Variants in ITGA8 observed in about 807,000 individuals in gnomAD.
The protein encoded by ITGA8 is integrin subunit alpha 8.
Under a neutral mutation model 142.3 loss-of-function variants are expected in ITGA8, and 91 were observed. That is an observed-to-expected ratio of 0.64 (90% CI 0.54 to 0.76). The LOEUF (loss-of-function observed/expected upper bound fraction) is 0.76. Ranked by LOEUF, ITGA8 falls within the 30% of genes least tolerant of loss-of-function variation. ITGA8 has a pLI of 0.00. For synonymous variants in ITGA8, 505 were observed against 485.2 expected, an observed-to-expected ratio of 1.04 and a Z score of -0.54; for missense variants, 1,406 against 1,327.7, an observed-to-expected ratio of 1.06 and a Z score of -0.92.
intron 13 of ITGA8, among the ~76,000 whole-genome samples, chr10:15,630,436 C>A (rs1254346485): frequency 6.6e-6 from 1 of 152,058 alleles, no homozygotes; most frequent in African/African-American, 2.4e-5. Context: ...AACGCCAAAT[C>A]CACTCCCAGT....
intron 20 of ITGA8, among the ~76,000 whole-genome samples, chr10:15,597,783 A>G (rs961281572): frequency 5.3e-5 from 8 of 152,206 alleles, no homozygotes; most frequent in Non-Finnish European, 8.8e-5. Flanking sequence ...AGATCATGCA[A>G]TCGACTTTCT....
chr10:15,711,994 T>C (rs539595459), intron 2 of ITGA8, among the ~76,000 whole-genome samples: 2 of 152,298 alleles, frequency 1.3e-5, no homozygotes, highest in South Asian at 4.1e-4. Flanking sequence ...AGCTGGTGTA[T>C]CAGATGTATT....
intron 27 of ITGA8, among the ~76,000 whole-genome samples, chr10:15,540,896 C>T (rs1031898666): frequency 2.0e-5 from 3 of 152,182 alleles, no homozygotes; most frequent in East Asian, 1.9e-4. Flanking sequence ...AAGACACTCC[C>T]GCCAGCACCA....
intron 3 of ITGA8, among the ~76,000 whole-genome samples, chr10:15,685,927 T>C (rs1397349986): frequency 6.6e-6 from 1 of 152,146 alleles, no homozygotes; most frequent in East Asian, 1.9e-4. Context: ...GAAATAACAT[T>C]TTGTTAGGAA....
At chr10:15,689,583 G>A (rs1834895432) in intron 2 of ITGA8, among the ~76,000 whole-genome samples, 1 of 152,164 alleles carries the variant, frequency 6.6e-6, no homozygotes, top group Non-Finnish European at 1.5e-5. Flanking sequence ...TCACACAGCA[G>A]CACAACTCCA....
At chr10:15,538,749 T>A (rs1425374361) in intron 27 of ITGA8, among the ~76,000 whole-genome samples, 3 of 152,064 alleles carry the variant, frequency 2.0e-5, no homozygotes, top group African/African-American at 7.2e-5. Context: ...TTAATTTAGT[T>A]TAGTGCTAAT....
At chr10:15,585,726 G>T (rs1028446701) in intron 23 of ITGA8, among the ~76,000 whole-genome samples, 2 of 152,106 alleles carry the variant, frequency 1.3e-5, no homozygotes, top group African/African-American at 4.8e-5. Flanking sequence ...TTTCCCCCAG[G>T]CATGGATTTT....
At chr10:15,705,394 C>A (rs1019789737) in intron 2 of ITGA8, among the ~76,000 whole-genome samples, 17 of 152,200 alleles carry the variant, frequency 1.1e-4, no homozygotes, top group Non-Finnish European at 2.2e-4. Flanking sequence ...TCCAATCCAG[C>A]AGCTCATCCT....
chr10:15,638,154 A>G (rs1007214141), intron 13 of ITGA8, among the ~76,000 whole-genome samples: 6 of 152,224 alleles, frequency 3.9e-5, no homozygotes, highest in African/African-American at 9.6e-5. Flanking sequence ...TATACAAAAC[A>G]TCTGTAGCAT....
intron 13 of ITGA8, among the ~76,000 whole-genome samples, chr10:15,628,076 C>T (rs369439031): frequency 3.3e-5 from 5 of 151,980 alleles, no homozygotes; most frequent in East Asian, 1.9e-4. Flanking sequence ...GCCATGACAA[C>T]GTAAGAAAAT....
chr10:15,630,274 C>T (rs1352708251), intron 13 of ITGA8, among the ~76,000 whole-genome samples: 1 of 152,022 alleles, frequency 6.6e-6, no homozygotes, highest in Non-Finnish European at 1.5e-5. Context: ...AAGATATGAG[C>T]AACAATTTAT....
chr10:15,534,082 T>C (rs1444550784), intron 27 of ITGA8, among the ~76,000 whole-genome samples: 4 of 99,616 alleles, frequency 4.0e-5, no homozygotes, highest in Non-Finnish European at 5.9e-5. Flanking sequence ...AATTTTTGTA[T>C]TTTTTTTAGT....
chr10:15,706,478 T>C (rs1835260159), intron 2 of ITGA8, among the ~76,000 whole-genome samples: 1 of 152,144 alleles, frequency 6.6e-6, no homozygotes, highest in African/African-American at 2.4e-5. Context: ...TGTCACTCAC[T>C]CTGTCAGGCT....
chr10:15,584,005 G>T (rs1834464418), intron 23 of ITGA8, among the ~76,000 whole-genome samples: 1 of 152,152 alleles, frequency 6.6e-6, no homozygotes. Context: ...GTAGCACTAT[G>T]TGTAAAAAAG....
chr10:15,633,377 T>C (rs1283743506), intron 13 of ITGA8, among the ~76,000 whole-genome samples: 3 of 152,318 alleles, frequency 2.0e-5, no homozygotes, highest in Non-Finnish European at 4.4e-5. Context: ...GGCAACATTT[T>C]CATTACATAA....
In ITGA8 at chr10:15,646,973, G is replaced by C. The variant is rs1833992373; in HGVS notation, c.1080C>G (p.Ile360Met). ...FESNPREVGQ[I>M]YLYLQVSSLL... is the part of the protein sequence containing the mutation. ...GAGAGCTCACTTGCAAATACAGGTA[G>C]ATTTGCCCTACTTCTCTGGGGTTGC... The change falls in exon 12 of 30, where the codon ATC (isoleucine) becomes ATG (methionine). Residue 360 changes from isoleucine (I) to methionine (M), a missense_variant. Coordinates refer to ENST00000378076, the MANE Select transcript of ITGA8 (RefSeq NM_003638.3). The C allele has an allele frequency of 1.9e-6, 3 of 1,613,822 alleles. No homozygotes were observed. The highest frequency in any genetic ancestry group is 2.7e-5 in the African/African-American group (2 of 74,896).
At position 15,515,682 on chromosome 10, in the gene ITGA8, T is replaced by C. The variant is rs560935406; in HGVS notation, c.*1476A>G. 24 of 152,306 alleles carry C rather than the reference T, an allele frequency of 1.6e-4. No individual in the cohort carries two copies. In the South Asian group the frequency reaches 4.8e-3, roughly 30 times the overall value. The allele number at this position is 152,306 out of a possible 1,614,324, so 9.4% of individuals were successfully genotyped here. A position where few individuals can be genotyped will look rare whatever the true frequency, so the allele number is the denominator to read the frequency against. On this transcript the variant is annotated 3_prime_UTR_variant, in exon 30 of 30. Transcript: ENST00000378076. ...TAAAATATTGCACATAAAAATTTGT[T>C]CAGTATTTCTTCATAGTAATTTTTC...
At chr10:15,599,483 C>T (rs1337230388) in intron 20 of ITGA8, among the ~76,000 whole-genome samples, 1 of 152,028 alleles carries the variant, frequency 6.6e-6, no homozygotes, top group Non-Finnish European at 1.5e-5. Flanking sequence ...TGGAAACACA[C>T]AATTGCAGCA....
intron 23 of ITGA8, among the ~76,000 whole-genome samples, chr10:15,586,049 A>ATTTTTT (rs59435924): frequency 1.3e-5 from 1 of 76,816 alleles, no homozygotes; most frequent in African/African-American, 5.3e-5. Context: ...GAATAAAGTG[A>ATTTTTT]TTTTTTTTTT....
Sources: allele counts gnomAD v4.1 joint callset (sites outside exome capture counted in the v4.1 genomes callset), GRCh38; gene constraint gnomAD v4.1.1; transcripts MANE v1.5; gene names NCBI Gene and HGNC (gene_info 2026-07-23, HGNC 2026-07-21).